Variants in HDAC4 observed in about 807,000 individuals in gnomAD.
HDAC4 encodes the protein histone deacetylase A.
A neutral mutation model predicts 135.1 loss-of-function variants in HDAC4; 16 were observed. The observed-to-expected ratio is 0.12, with a 90% CI of 0.08 to 0.18. HDAC4 has a LOEUF of 0.18. HDAC4 is among the 10% of genes least tolerant of loss of function. The pLI is 1.00. For synonymous variants in HDAC4, 685 were observed against 653.4 expected (o/e 1.05, Z -0.74); for missense variants, 1,143 against 1,511.8 (o/e 0.76, Z 4.05).
chr2:239,302,660 C>T lies in HDAC4; in HGVS notation c.22+50018G>A, dbSNP rs148609650. 2.6e-4 allele frequency among the ~76,000 whole-genome samples: 39 copies of T among 152,340 alleles called. No individual in the cohort carries two copies. In the East Asian group the frequency reaches 7.5e-3, roughly 29 times the overall value. ...ATGGCCCAGCCCCTCAACCCTCGAGCCAGGACCCAGTCCAAGAGCACAGCA... is the reference window on the plus strand; with the variant it reads ...ATGGCCCAGCCCCTCAACCCTCGAGTCAGGACCCAGTCCAAGAGCACAGCA... On this transcript the variant is annotated intron_variant, in intron 2 of 26. Coordinates refer to ENST00000543185, the MANE Select transcript of HDAC4 (RefSeq NM_001378414.1).
intron 1 of HDAC4, among the ~76,000 whole-genome samples, chr2:239,363,960 C>A (rs989705066): frequency 1.3e-5 from 2 of 152,232 alleles, no homozygotes; most frequent in Non-Finnish European, 2.9e-5. Context: ...TCAATCAACA[C>A]ACACAAGGTC....
At chr2:239,391,020 G>A (rs529817894) in intron 1 of HDAC4, among the ~76,000 whole-genome samples, 7 of 152,374 alleles carry the variant, frequency 4.6e-5, no homozygotes, top group African/African-American at 7.2e-5. Context: ...CGGCAAAGCC[G>A]TGGCACAGTG....
At chr2:239,339,745 T>C (rs1036887319) in intron 2 of HDAC4, among the ~76,000 whole-genome samples, 2 of 151,942 alleles carry the variant, frequency 1.3e-5, no homozygotes, top group African/African-American at 4.8e-5. Flanking sequence ...CCCATGCAAA[T>C]CAGTCCACCA....
intron 12 of HDAC4, among the ~76,000 whole-genome samples, chr2:239,123,846 G>A (rs1057357502): frequency 2.6e-5 from 4 of 152,098 alleles, no homozygotes; most frequent in African/African-American, 9.7e-5. Flanking sequence ...TGGGATCCTG[G>A]TATTTCACTT....
intron 3 of HDAC4, among the ~76,000 whole-genome samples, chr2:239,213,049 C>A (rs891848254): frequency 2.6e-5 from 4 of 152,198 alleles, no homozygotes; most frequent in African/African-American, 9.6e-5. Flanking sequence ...TCCCTGCAAT[C>A]GCCCAGGAAA....
intron 2 of HDAC4, among the ~76,000 whole-genome samples, chr2:239,336,327 A>G (rs1691937943): frequency 6.6e-6 from 1 of 152,196 alleles, no homozygotes; most frequent in East Asian, 1.9e-4. Context: ...GAGTTCATCA[A>G]GCTAAGCAGT....
intron 2 of HDAC4, among the ~76,000 whole-genome samples, chr2:239,246,351 G>A (rs1418265072): frequency 6.6e-6 from 1 of 152,208 alleles, no homozygotes; most frequent in Non-Finnish European, 1.5e-5. Context: ...ATGCACCCAG[G>A]AGGCGTGGCA....
rs1005593997 is a variant in HDAC4, at chr2:239,306,695, G to A, written c.22+45983C>T. Among the ~76,000 whole-genome samples, 1 of 152,132 alleles carries A rather than the reference G, an allele frequency of 6.6e-6. No individual in the cohort carries two copies. Among genetic ancestry groups the A allele is most frequent in the Non-Finnish European group, 1.5e-5 (1 of 68,016 alleles). On this transcript the variant is annotated intron_variant, in intron 2 of 26. Transcript: ENST00000543185. The surrounding 1 kb of genome is among the most constrained non-coding windows in gnomAD (Gnocchi z 4.5). Reference sequence around the variant, plus strand: ...GGCAGAACCCAGGTCCTCGGGCGCAGAGCATCCAGGGCCCAGGGCCCACAG... The same window carrying A: ...GGCAGAACCCAGGTCCTCGGGCGCAAAGCATCCAGGGCCCAGGGCCCACAG...
At chr2:239,320,412 T>A (rs75803657) in intron 2 of HDAC4, among the ~76,000 whole-genome samples, 10 of 139,934 alleles carry the variant, frequency 7.1e-5, no homozygotes, top group Admixed American at 1.5e-4. Flanking sequence ...AAGTGATAAA[T>A]CAAACAAACA....
At chr2:239,153,682 TA>T (rs1185420259) in intron 7 of HDAC4, among the ~76,000 whole-genome samples, 1 of 152,358 alleles carries the variant, frequency 6.6e-6, no homozygotes, top group African/African-American at 2.4e-5. Context: ...GTATTCTAAA[TA>T]ACATTTCCCG....
At chr2:239,195,886 G>GTC (rs1040610468) in intron 3 of HDAC4, among the ~76,000 whole-genome samples, 5 of 152,084 alleles carry the variant, frequency 3.3e-5, no homozygotes, top group Admixed American at 2.0e-4. Context: ...AAACCTGTTA[G>GTC]TCTCTCTCTC....
intron 2 of HDAC4, among the ~76,000 whole-genome samples, chr2:239,247,571 C>T (rs1224358210): frequency 2.6e-5 from 4 of 152,242 alleles, no homozygotes; most frequent in African/African-American, 4.8e-5. Flanking sequence ...GCTCACCAAA[C>T]GTGACTCAGC....
intron 8 of HDAC4, among the ~76,000 whole-genome samples, chr2:239,144,179 G>A (rs910767905): frequency 5.3e-5 from 8 of 152,152 alleles, no homozygotes; most frequent in African/African-American, 1.7e-4. Flanking sequence ...AAAATGCCCC[G>A]GTGGTTCAGA....
intron 4 of HDAC4, among the ~76,000 whole-genome samples, chr2:239,189,096 A>AT (rs1187088132): frequency 1.3e-5 from 2 of 152,290 alleles, no homozygotes; most frequent in East Asian, 3.9e-4. Flanking sequence ...GTTTTGTGGG[A>AT]TTTTTCACTT....
chr2:239,180,713 G>A (rs936195342), intron 4 of HDAC4, among the ~76,000 whole-genome samples: 1 of 152,334 alleles, frequency 6.6e-6, no homozygotes, highest in Admixed American at 6.5e-5. Context: ...GAACATGATT[G>A]CCCCTCATGA....
intron 7 of HDAC4, among the ~76,000 whole-genome samples, chr2:239,149,373 A>AAAATAAATAAATAAAT (rs113606701): frequency 2.0e-5 from 3 of 149,362 alleles, no homozygotes; most frequent in African/African-American, 7.4e-5. Context: ...GTTCCGTTTC[A>AAAATAAATAAATAAAT]AAATAAATAA....
intron 11 of HDAC4, among the ~76,000 whole-genome samples, chr2:239,132,335 G>A (rs984188665): frequency 2.0e-5 from 3 of 152,234 alleles, no homozygotes; most frequent in Non-Finnish European, 1.5e-5. Flanking sequence ...GCACTACGCT[G>A]CACACGTGAC....
At chr2:239,202,978 T>C (rs930176359) in intron 3 of HDAC4, among the ~76,000 whole-genome samples, 2 of 152,142 alleles carry the variant, frequency 1.3e-5, no homozygotes, top group Non-Finnish European at 2.9e-5. Context: ...CACCTGGATG[T>C]AGGCTACGGG....
At chr2:239,087,955 T>TC in intron 18 of HDAC4, among the ~76,000 whole-genome samples, 1 of 152,056 alleles carries the variant, frequency 6.6e-6, no homozygotes, top group Non-Finnish European at 1.5e-5. Flanking sequence ...ATGTGCTCAC[T>TC]CCCCGTCGGC....
Sources: allele counts gnomAD v4.1 joint callset (sites outside exome capture counted in the v4.1 genomes callset), GRCh38; gene constraint gnomAD v4.1.1; non-coding constraint Gnocchi (gnomAD v3.1); transcripts MANE v1.5; gene names NCBI Gene and HGNC (gene_info 2026-07-23, HGNC 2026-07-21).